AUTS2: variants seen among roughly 807,000 people sequenced by gnomAD.
AUTS2 encodes the protein autism susceptibility gene 2 protein.
In AUTS2, 17 loss-of-function variants were observed where a neutral mutation model predicts 112.4. The observed-to-expected ratio is 0.15, with a 90% CI of 0.10 to 0.23. The LOEUF (loss-of-function observed/expected upper bound fraction) is 0.23, where lower values mean the gene tolerates loss of function less well. AUTS2 is among the 10% of genes least tolerant of loss of function. AUTS2 has a pLI of 1.00. For missense variants in AUTS2, 1,510 were observed against 1,701.6 expected (o/e 0.89, Z 1.98); for synonymous variants, 751 against 702.7 (o/e 1.07, Z -1.09).
chr7:70,126,784 T>C (rs1238085049), intron 3 of AUTS2, among the ~76,000 whole-genome samples: 3 of 152,168 alleles, frequency 2.0e-5, no homozygotes, highest in Non-Finnish European at 4.4e-5. Flanking sequence ...TTCTGCTATT[T>C]ATTGTGTGTG....
At chr7:69,611,931 C>A (rs1055214201) in intron 1 of AUTS2, among the ~76,000 whole-genome samples, 2 of 13,776 alleles carry the variant, frequency 1.5e-4, no homozygotes, top group Non-Finnish European at 3.0e-4. Context: ...AGCGAGACTC[C>A]GTCTCAAAAA....
intron 4 of AUTS2, among the ~76,000 whole-genome samples, chr7:70,379,093 T>C (rs573959190): frequency 6.6e-6 from 1 of 152,304 alleles, no homozygotes; most frequent in South Asian, 2.1e-4. Flanking sequence ...TATAATGCCC[T>C]TTACTACCTG....
At chr7:70,661,712 G>T (rs1585461041) in intron 5 of AUTS2, among the ~76,000 whole-genome samples, 1 of 151,854 alleles carries the variant, frequency 6.6e-6, no homozygotes, top group East Asian at 1.9e-4. Flanking sequence ...CAAATCTGTA[G>T]ATCTGTAGAT....
intron 4 of AUTS2, among the ~76,000 whole-genome samples, chr7:70,393,335 G>A (rs1793945798): frequency 1.3e-5 from 2 of 152,236 alleles, no homozygotes; most frequent in South Asian, 4.1e-4. Flanking sequence ...TGGCTGGGAA[G>A]AGAGGAATTG....
At chr7:70,621,363 G>A (rs552680517) in intron 5 of AUTS2, among the ~76,000 whole-genome samples, 16 of 152,304 alleles carry the variant, frequency 1.1e-4, no homozygotes, top group East Asian at 5.8e-4. Context: ...TCATTTGGTC[G>A]CTGCAAAATG....
At chr7:70,258,954 G>A in intron 4 of AUTS2, among the ~76,000 whole-genome samples, 1 of 152,172 alleles carries the variant, frequency 6.6e-6, no homozygotes, top group East Asian at 1.9e-4. Flanking sequence ...GAGTAGCACA[G>A]AACAGCACCC....
chr7:70,419,879 T>C (rs534650784), intron 4 of AUTS2, among the ~76,000 whole-genome samples: 1 of 152,252 alleles, frequency 6.6e-6, no homozygotes, highest in South Asian at 2.1e-4. Context: ...AACATTTTTT[T>C]CGTATGTTTA....
At chr7:70,275,221 A>G (rs970960346) in intron 4 of AUTS2, among the ~76,000 whole-genome samples, 2 of 152,144 alleles carry the variant, frequency 1.3e-5, no homozygotes, top group Non-Finnish European at 2.9e-5. Context: ...CCTAGCCTTA[A>G]AAAGGATGAT....
intron 4 of AUTS2, among the ~76,000 whole-genome samples, chr7:70,315,873 G>A (rs557035961): frequency 2.6e-5 from 4 of 152,240 alleles, no homozygotes; most frequent in East Asian, 3.9e-4. Flanking sequence ...ATCCCAAGTC[G>A]TTCCCCATCT....
intron 4 of AUTS2, among the ~76,000 whole-genome samples, chr7:70,230,301 A>G (rs550917254): frequency 3.9e-5 from 6 of 151,944 alleles, no homozygotes; most frequent in Admixed American, 3.3e-4. Flanking sequence ...TCTTACTGGA[A>G]TGGTTCTGTG....
intron 4 of AUTS2, among the ~76,000 whole-genome samples, chr7:70,421,617 T>A (rs1795221565): frequency 6.6e-6 from 1 of 152,234 alleles, no homozygotes; most frequent in African/African-American, 2.4e-5. Flanking sequence ...TTGTCTTTTC[T>A]CTGGCTAACT....
At chr7:70,197,365 C>T (rs563485355) in intron 4 of AUTS2, among the ~76,000 whole-genome samples, 21 of 151,936 alleles carry the variant, frequency 1.4e-4, no homozygotes, top group East Asian at 3.9e-4. Context: ...GGAACAGCTC[C>T]GGTCTACAGC....
intron 1 of AUTS2, among the ~76,000 whole-genome samples, chr7:69,889,110 T>G (rs756456662): frequency 2.0e-5 from 3 of 152,116 alleles, no homozygotes; most frequent in Admixed American, 6.5e-5. Flanking sequence ...CTTTGTTGCC[T>G]AGGGTTCTCA....
chr7:70,603,993 C>T (rs1001856730), intron 5 of AUTS2, among the ~76,000 whole-genome samples: 2 of 152,062 alleles, frequency 1.3e-5, no homozygotes, highest in East Asian at 1.9e-4. Flanking sequence ...GGTTTAAACC[C>T]GGGTCCCTCT....
intron 4 of AUTS2, among the ~76,000 whole-genome samples, chr7:70,182,111 T>G (rs568655756): frequency 1.3e-5 from 2 of 152,326 alleles, no homozygotes; most frequent in East Asian, 3.9e-4. Context: ...TGAGCTAACT[T>G]TTTAAACATA....
intron 5 of AUTS2, among the ~76,000 whole-genome samples, chr7:70,621,535 A>T (rs1197601206): frequency 6.6e-6 from 1 of 152,188 alleles, no homozygotes; most frequent in Non-Finnish European, 1.5e-5. Context: ...CAAAAGTCAC[A>T]GACATTTTAG....
At chr7:69,947,074 G>A (rs747706430) in intron 2 of AUTS2, among the ~76,000 whole-genome samples, 8 of 152,150 alleles carry the variant, frequency 5.3e-5, no homozygotes, top group Non-Finnish European at 1.2e-4. Flanking sequence ...GCTTGTTGTC[G>A]TTACAGATGC....
chr7:70,552,074 A>G (rs982661528), intron 5 of AUTS2, among the ~76,000 whole-genome samples: 13 of 152,164 alleles, frequency 8.5e-5, no homozygotes, highest in African/African-American at 3.1e-4. Flanking sequence ...GGGAGGGAGT[A>G]GGGAAAAGAG....
chr7:70,297,275 C>T (rs1788985467), intron 4 of AUTS2, among the ~76,000 whole-genome samples: 1 of 151,978 alleles, frequency 6.6e-6, no homozygotes, highest in South Asian at 2.1e-4. Flanking sequence ...CAAATGTAGT[C>T]ACAGAATTTC....
Sources: allele counts gnomAD v4.1 joint callset (sites outside exome capture counted in the v4.1 genomes callset), GRCh38; gene constraint gnomAD v4.1.1; transcripts MANE v1.5; gene names NCBI Gene and HGNC (gene_info 2026-07-23, HGNC 2026-07-21).